PTPRR: variants seen among roughly 807,000 people sequenced by gnomAD.
PTPRR encodes protein tyrosine phosphatase receptor type R.
A neutral mutation model predicts 77.2 loss-of-function variants in PTPRR; 38 were observed. The observed-to-expected ratio is 0.49, with a 90% CI of 0.38 to 0.65. The LOEUF is 0.65. Ranked by LOEUF, PTPRR falls within the 30% of genes least tolerant of loss-of-function variation. The probability of loss-of-function intolerance (pLI) is 0.00; values close to 1 mark genes in which losing one functional copy is unlikely to be tolerated. For missense variants in PTPRR, 744 were observed against 799.2 expected, an observed-to-expected ratio of 0.93 and a Z score of 0.83; for synonymous variants, 299 against 283.1, an observed-to-expected ratio of 1.06 and a Z score of -0.57.
At chr12:70,770,377 G>T (rs1890942694) in intron 2 of PTPRR, among the ~76,000 whole-genome samples, 1 of 152,130 alleles carries the variant, frequency 6.6e-6, no homozygotes, top group Non-Finnish European at 1.5e-5. Context: ...CTCGAAAGAA[G>T]ACATTTATGC....
At chr12:70,698,210 G>C (rs1377803176) in intron 8 of PTPRR, 55 bp downstream of exon 8, 3 of 1,467,506 alleles carry the variant, frequency 2.0e-6, no homozygotes, top group African/African-American at 1.4e-5. Context: ...TCTCCTAATG[G>C]CTATCCCTCC....
chr12:70,750,676 A>C (rs946414517), intron 5 of PTPRR, among the ~76,000 whole-genome samples: 1 of 152,090 alleles, frequency 6.6e-6, no homozygotes, highest in Non-Finnish European at 1.5e-5. Flanking sequence ...TTTTCTTGTG[A>C]ATATGAACTT....
chr12:70,840,240 G>T (rs1188549892), intron 2 of PTPRR, among the ~76,000 whole-genome samples: 2 of 152,066 alleles, frequency 1.3e-5, no homozygotes, highest in Non-Finnish European at 2.9e-5. Context: ...AGGTTATCGT[G>T]TTTCTTGTCT....
At position 70,809,814 on chromosome 12, in the gene PTPRR, C is replaced by T. The variant is rs576434262; in HGVS notation, c.358-45036G>A. The stretch of plus-strand genomic sequence containing the variant: ...ATAAAAGTGTGAGAGAGAAACTAAA[C>T]ATGACCACTAAATAAACATTATGTA... On this transcript the variant is annotated intron_variant, in intron 2 of 13. Transcript: ENST00000283228. 7.5e-4 allele frequency among the ~76,000 whole-genome samples: 114 copies of T among 152,258 alleles called. 1 individual carries two copies. The highest frequency in any genetic ancestry group is 2.7e-3 in the African/African-American group (112 of 41,570).
chr12:70,758,914 A>G (rs1197443090), intron 4 of PTPRR, among the ~76,000 whole-genome samples: 2 of 150,198 alleles, frequency 1.3e-5, no homozygotes, highest in African/African-American at 2.5e-5. Context: ...TAGCTAGCAC[A>G]GTACTTGGCT....
chr12:70,808,165 G>T (rs1325343150), intron 2 of PTPRR, among the ~76,000 whole-genome samples: 2 of 152,082 alleles, frequency 1.3e-5, no homozygotes, highest in Non-Finnish European at 2.9e-5. Context: ...CTACTCTCCT[G>T]CAGCACCCCC....
chr12:70,727,221 G>T (rs934480881), intron 6 of PTPRR, among the ~76,000 whole-genome samples: 1 of 142,128 alleles, frequency 7.0e-6, no homozygotes, highest in Non-Finnish European at 1.6e-5. Flanking sequence ...TCCTAGTCCC[G>T]ATTTTTTTTT....
chr12:70,852,193 C>T (rs140678270), intron 2 of PTPRR, among the ~76,000 whole-genome samples: 96 of 152,154 alleles, frequency 6.3e-4, no homozygotes, highest in African/African-American at 2.3e-3. Context: ...TCCAAAGTCA[C>T]TTGGCAAATA....
At chr12:70,759,679 T>TG (rs1890643577) in intron 4 of PTPRR, among the ~76,000 whole-genome samples, 1 of 34,430 alleles carries the variant, frequency 2.9e-5, no homozygotes, top group Non-Finnish European at 5.6e-5. Flanking sequence ...GACTCCGTCT[T>TG]AAAAAAAAAA....
intron 1 of PTPRR, among the ~76,000 whole-genome samples, chr12:70,902,750 G>A (rs1190701570): frequency 6.6e-6 from 1 of 151,588 alleles, no homozygotes; most frequent in Admixed American, 6.6e-5. Context: ...GTGGGAGGGG[G>A]GCAAGGGATA....
intron 3 of PTPRR, among the ~76,000 whole-genome samples, chr12:70,761,843 C>T (rs1053074611): frequency 1.2e-4 from 18 of 152,146 alleles, no homozygotes; most frequent in Non-Finnish European, 2.2e-4. Flanking sequence ...AGTTGCCACC[C>T]CCCAAGATTT....
intron 5 of PTPRR, among the ~76,000 whole-genome samples, chr12:70,747,417 A>G (rs758237118): frequency 1.3e-4 from 20 of 152,248 alleles, no homozygotes; most frequent in Non-Finnish European, 2.6e-4. Flanking sequence ...CATATATTAT[A>G]TATTTTAAGC....
Position 70,814,390 on chromosome 12 carries a change from C to T in PTPRR, c.358-49612G>A, listed in dbSNP as rs962387226. Among the ~76,000 whole-genome samples the T allele has an allele frequency of 5.9e-5, 9 of 152,252 alleles. No homozygotes were observed. In the Middle Eastern group the frequency reaches 0.01, roughly 173 times the overall value. ...TCTCTGCCCAGTGACACCTAGATCC[C>T]GGTGCCCCTTTCTCTCCTCCCAGAG... is the stretch of plus-strand genomic sequence containing the variant. On this transcript the variant is annotated intron_variant, in intron 2 of 13. Transcript: ENST00000283228.
chr12:70,822,528 T>A (rs1168709563), intron 2 of PTPRR, among the ~76,000 whole-genome samples: 2 of 152,220 alleles, frequency 1.3e-5, no homozygotes, highest in Non-Finnish European at 2.9e-5. Flanking sequence ...TTTGTGTCTC[T>A]GGTATCAGAC....
At chr12:70,843,058 A>G (rs1282316729) in intron 2 of PTPRR, among the ~76,000 whole-genome samples, 1 of 152,168 alleles carries the variant, frequency 6.6e-6, no homozygotes, top group Non-Finnish European at 1.5e-5. Flanking sequence ...TCACCCACAA[A>G]ATGAAAAAAC....
chr12:70,850,533 A>G (rs534611636), intron 2 of PTPRR, among the ~76,000 whole-genome samples: 19 of 152,286 alleles, frequency 1.2e-4, no homozygotes, highest in African/African-American at 4.3e-4. Flanking sequence ...TAAATCACAA[A>G]TAAGTATTGG....
chr12:70,918,260 T>C (rs1388356128), intron 1 of PTPRR, among the ~76,000 whole-genome samples: 1 of 152,202 alleles, frequency 6.6e-6, no homozygotes, highest in African/African-American at 2.4e-5. Context: ...GCATTTAAAA[T>C]GAAATTGGCA....
rs192981824 is a variant in PTPRR, at chr12:70,897,597, C to T, written c.59-4620G>A. 6.4e-3 allele frequency among the ~76,000 whole-genome samples: 968 copies of T among 151,954 alleles called. 9 individuals carry two copies. The highest frequency in any genetic ancestry group is 0.022 in the African/African-American group (919 of 41,466). ...TCAACCATTGTGGAAGTCAGTGTGG[C>T]GATTCCTCAGGGATCTAGAACTAGA... On this transcript the variant is annotated intron_variant, in intron 1 of 13. Transcript: ENST00000283228.
At chr12:70,742,482 A>G (rs1592723554) in intron 6 of PTPRR, among the ~76,000 whole-genome samples, 1 of 152,150 alleles carries the variant, frequency 6.6e-6, no homozygotes, top group African/African-American at 2.4e-5. Flanking sequence ...AAAATGTCCA[A>G]GTAGCAGGAT....
Sources: gnomAD v4.1 joint callset for allele counts (sites outside exome capture counted in the v4.1 genomes callset) on GRCh38, gnomAD v4.1.1 for gene constraint, MANE v1.5 for transcripts, NCBI Gene and HGNC (gene_info 2026-07-23, HGNC 2026-07-21) for gene names.